Variants in SLC12A2 observed in about 807,000 individuals in gnomAD.
SLC12A2 encodes Na-K-2Cl cotransporter 1.
In SLC12A2, 67 loss-of-function variants were observed where a neutral mutation model predicts 136.3. The observed-to-expected ratio is 0.49, with a 90% CI of 0.40 to 0.60. The LOEUF is 0.60. SLC12A2 is among the 20% of genes least tolerant of loss of function. SLC12A2 has a pLI of 0.00. For synonymous variants in SLC12A2, 619 were observed against 562.9 expected (o/e 1.10, Z -1.41); for missense variants, 1,322 against 1,534.7 (o/e 0.86, Z 2.32).
chr5:128,133,827 A>G (rs1338947833), intron 5 of SLC12A2, among the ~76,000 whole-genome samples: 1 of 152,120 alleles, frequency 6.6e-6, no homozygotes, highest in Non-Finnish European at 1.5e-5. Context: ...AATAAATACA[A>G]AATATATTTC....
intron 1 of SLC12A2, among the ~76,000 whole-genome samples, chr5:128,101,884 C>A (rs188033415): frequency 6.8e-4 from 103 of 152,220 alleles, no homozygotes; most frequent in African/African-American, 2.4e-3. Flanking sequence ...GGTGATAAAT[C>A]CTTTAACACC....
intron 20 of SLC12A2, 32 bp downstream of exon 20, chr5:128,174,698 A>G (rs755057049): frequency 1.4e-6 from 2 of 1,467,634 alleles, no homozygotes; most frequent in South Asian, 1.3e-5. Context: ...AGTCTTATTA[A>G]TAGTAATGTT....
At chr5:128,151,465 C>T in intron 14 of SLC12A2, 69 bp downstream of exon 14, 1 of 1,357,390 alleles carries the variant, frequency 7.4e-7, no homozygotes. Flanking sequence ...TCTAGAAGTT[C>T]TTTGTTATTT....
intron 19 of SLC12A2, among the ~76,000 whole-genome samples, chr5:128,174,098 T>C (rs1218255979): frequency 6.6e-6 from 1 of 152,192 alleles, no homozygotes; most frequent in East Asian, 1.9e-4. Context: ...CAGATTCTAC[T>C]GTCCTATGAC....
rs2126759998 is a variant in SLC12A2, at chr5:128,183,003, T to A, written c.3299+62T>A. 3 of 1,011,952 alleles carry A rather than the reference T, an allele frequency of 3.0e-6. No individual in the cohort carries two copies. In the East Asian group the frequency reaches 7.4e-5, roughly 25 times the overall value. The allele number at this position is 1,011,952 out of a possible 1,614,324, so 62.7% of individuals were successfully genotyped here. On this transcript the variant is annotated intron_variant, in intron 24 of 26. Coordinates refer to ENST00000262461, the MANE Select transcript of SLC12A2 (RefSeq NM_001046.3). ...TGGCCTACTCAGACACAGATTCAAC[T>A]TAATTAAAACCCAGAGATTTTTTTC...
At chr5:128,180,094 C>T (rs758291075) in intron 22 of SLC12A2, among the ~76,000 whole-genome samples, 37 of 150,216 alleles carry the variant, frequency 2.5e-4, no homozygotes, top group Non-Finnish European at 4.4e-4. Flanking sequence ...CTCAGCCTCC[C>T]GAGTAGCTGG....
intron 15 of SLC12A2, among the ~76,000 whole-genome samples, chr5:128,156,210 T>C (rs1561692373): frequency 6.6e-6 from 1 of 152,166 alleles, no homozygotes; most frequent in Non-Finnish European, 1.5e-5. Context: ...GATTTTTAGA[T>C]GTAAAATCAG....
At chr5:128,104,541 A>G (rs1387703891) in intron 1 of SLC12A2, among the ~76,000 whole-genome samples, 1 of 152,066 alleles carries the variant, frequency 6.6e-6, no homozygotes, top group Non-Finnish European at 1.5e-5. Flanking sequence ...CTGAGGCAGG[A>G]GAATCACTTG....
chr5:128,142,066 C>A, intron 10 of SLC12A2, 85 bp downstream of exon 10: 1 of 1,132,176 alleles, frequency 8.8e-7, no homozygotes, highest in Non-Finnish European at 1.3e-6. Context: ...CAGAATATAG[C>A]TGTAACATAG....
chr5:128,184,726 T>C (rs2126761694), intron 25 of SLC12A2, 63 bp from the exon 26 acceptor site: 2 of 1,608,178 alleles, frequency 1.2e-6, no homozygotes, highest in East Asian at 4.5e-5. Context: ...CTTATAGTTT[T>C]ATGAACCATG....
In SLC12A2 at chr5:128,152,803, T is replaced by C. The variant is rs200341368; in HGVS notation, c.2361T>C (p.Phe787=). 36 of 1,590,256 alleles carry C rather than the reference T, an allele frequency of 2.3e-5. No homozygotes were observed. Among genetic ancestry groups the C allele is most frequent in the African/African-American group, 5.4e-5 (4 of 74,480 alleles). The change falls in exon 15 of 27, where the codon TTT becomes TTC. Residue 787 remains phenylalanine, a splice_region_variant and synonymous_variant. Coordinates refer to ENST00000262461, the MANE Select transcript of SLC12A2 (RefSeq NM_001046.3). ...LSGVEDHVKN[F]RPQCLVMTGA... is the part of the protein sequence containing the mutation. ...GAGTGGAAGACCACGTGAAAAACTT[T>C]AGGTAAGTGATAAAGAAGGAAACAT...
chr5:128,172,668 A>G (rs1303060028), intron 19 of SLC12A2, among the ~76,000 whole-genome samples: 1 of 152,216 alleles, frequency 6.6e-6, no homozygotes, highest in African/African-American at 2.4e-5. Context: ...TGCCAACTTT[A>G]TAAAAACTAT....
chr5:128,117,923 T>G (rs1387683947), intron 4 of SLC12A2, among the ~76,000 whole-genome samples: 1 of 152,064 alleles, frequency 6.6e-6, no homozygotes, highest in East Asian at 1.9e-4. Context: ...TAGACAATTC[T>G]CAAAACAAGA....
At chr5:128,167,896 G>A (rs770974692) in intron 18 of SLC12A2, 29 bp downstream of exon 18, 2 of 1,290,662 alleles carry the variant, frequency 1.5e-6, no homozygotes, top group Non-Finnish European at 1.1e-6. Flanking sequence ...CAATAATTTA[G>A]TTCATTTAGA....
At chr5:128,155,941 G>A (rs1264931561) in intron 15 of SLC12A2, among the ~76,000 whole-genome samples, 1 of 152,072 alleles carries the variant, frequency 6.6e-6, no homozygotes, top group East Asian at 1.9e-4. Flanking sequence ...GTATATACAT[G>A]TTCTTTAAAC....
intron 4 of SLC12A2, among the ~76,000 whole-genome samples, chr5:128,123,722 G>C (rs7718286): frequency 0.35 from 52,848 of 151,916 alleles, 11,887 homozygotes; most frequent in African/African-American, 0.64. Context: ...TAGTTTTTTT[G>C]TCTTGAGTAT....
intron 24 of SLC12A2, among the ~76,000 whole-genome samples, chr5:128,183,974 A>AT (rs777274989): frequency 6.0e-4 from 91 of 151,686 alleles, no homozygotes; most frequent in South Asian, 3.8e-3. Context: ...CAGATTTCAG[A>AT]TTTTTTTTTA....
At chr5:128,120,848 T>C (rs1761544882) in intron 4 of SLC12A2, among the ~76,000 whole-genome samples, 2 of 151,894 alleles carry the variant, frequency 1.3e-5, no homozygotes, top group African/African-American at 2.4e-5. Context: ...ACCCTAAAAC[T>C]TAAAGTATAA....
rs542333400 is a variant in SLC12A2 at position 128,184,782 on chromosome 5, A to G, written c.3436-7A>G. The G allele has an allele frequency of 4.3e-5, 70 of 1,610,992 alleles. No homozygotes were observed. The highest frequency in any genetic ancestry group is 5.4e-5 in the Non-Finnish European group (64 of 1,177,572). ...GGTCTAGGAATGACTGTCCTGTTTC[A>G]TTTCAGACATACCGGCAGATCAGGT... On this transcript the variant is annotated splice_region_variant and splice_polypyrimidine_tract_variant and intron_variant, in intron 25 of 26. Coordinates refer to ENST00000262461, the MANE Select transcript of SLC12A2 (RefSeq NM_001046.3).
Sources: allele counts gnomAD v4.1 joint callset (sites outside exome capture counted in the v4.1 genomes callset), GRCh38; gene constraint gnomAD v4.1.1; transcripts MANE v1.5; gene names NCBI Gene and HGNC (gene_info 2026-07-23, HGNC 2026-07-21).